GAK: variants seen among roughly 807,000 people sequenced by gnomAD.
The protein encoded by GAK is cyclin-G-associated kinase.
GAK carries 79 observed loss-of-function variants against 143.9 expected under a neutral mutation model. The ratio of observed to expected loss-of-function variants is 0.55; its 90% CI spans 0.46 to 0.66. The LOEUF is 0.66. GAK is among the 30% of genes least tolerant of loss of function. GAK has a pLI of 0.00. For synonymous variants in GAK, 881 were observed against 765.5 expected (o/e 1.15, Z -2.49); for missense variants, 1,693 against 1,779.7 (o/e 0.95, Z 0.88).
At chr4:865,041 G>A in intron 23 of GAK, 81 bp downstream of exon 23, 5 of 1,539,066 alleles carry the variant, frequency 3.2e-6, no homozygotes, top group South Asian at 1.2e-5. Flanking sequence ...AGAGGGCCCT[G>A]TTACAGGTAC....
At chr4:875,894 T>C (rs1317712973) in intron 18 of GAK, among the ~76,000 whole-genome samples, 1 of 152,202 alleles carries the variant, frequency 6.6e-6, no homozygotes, top group African/African-American at 2.4e-5. Context: ...TGAGCCGAGA[T>C]TGCGCCATTG....
chr4:898,645 T>TGA (rs987209226), intron 5 of GAK, among the ~76,000 whole-genome samples: 60 of 152,314 alleles, frequency 3.9e-4, no homozygotes, highest in African/African-American at 1.4e-3. Flanking sequence ...GCGGATCACC[T>TGA]GAGGTCAGGA....
chr4:866,877 A>T (rs1167585611), intron 21 of GAK, 79 bp downstream of exon 21: 1 of 1,104,486 alleles, frequency 9.1e-7, no homozygotes, highest in Non-Finnish European at 1.3e-6. Flanking sequence ...CCTTCGAAAC[A>T]CGCCCATGCA....
At chr4:852,031 GT>G in intron 24 of GAK, 57 bp from the exon 25 acceptor site, 1 of 1,389,522 alleles carries the variant, frequency 7.2e-7, no homozygotes, top group Non-Finnish European at 1.0e-6. Flanking sequence ...GGCAACTACT[GT>G]TTCTATAACG....
At position 890,471 on chromosome 4, in the gene GAK, C is replaced by T. The variant is rs549970395; in HGVS notation, c.1081+61G>A. The T allele has an allele frequency of 3.3e-4, 425 of 1,298,250 alleles. 1 individual carries two copies. Among genetic ancestry groups the T allele is most frequent in the Non-Finnish European group, 4.2e-4 (388 of 930,220 alleles). The allele number at this position is 1,298,250 out of a possible 1,614,324, so 80.4% of individuals were successfully genotyped here. On this transcript the variant is annotated intron_variant, in intron 10 of 27. Coordinates refer to ENST00000314167, the MANE Select transcript of GAK (RefSeq NM_005255.4). ...CCCCAGACTCCATCCCAATGTGCTG[C>T]GGGTGCCCGGGGTGCAGCAGGAGCG...
rs1354336854 is a variant in GAK at position 849,943 on chromosome 4, C to T, written c.3783G>A (p.Glu1261=). The part of the protein sequence containing the change: ...PVGMADLVAP[E]QVKKHYRRAV... ...CGCGGCGATAGTGCTTCTTCACTTG[C>T]TCCGGAGCCACCAGGTCGGCCATGC... The change falls in exon 27 of 28, where the codon GAG becomes GAA. Residue 1261 remains glutamate (E), a synonymous_variant. Coordinates refer to ENST00000314167, the MANE Select transcript of GAK (RefSeq NM_005255.4). 1.9e-6 allele frequency: 3 copies of T among 1,609,532 alleles called. No homozygotes were observed. The highest frequency in any genetic ancestry group is 1.7e-5 in the Admixed American group (1 of 59,450).
intron 11 of GAK, 136 bp downstream of exon 11, chr4:888,711 G>T: frequency 2.0e-6 from 2 of 1,016,744 alleles, no homozygotes; most frequent in Non-Finnish European, 1.4e-6. Context: ...AGAAGCGGGT[G>T]ATGCTGTCCC....
chr4:907,678 CATCCCCGGA>C (rs1227645480), intron 4 of GAK, among the ~76,000 whole-genome samples: 1 of 152,244 alleles, frequency 6.6e-6, no homozygotes, highest in Non-Finnish European at 1.5e-5. Flanking sequence ...GGACCGGGCA[CATCCCCGGA>C]GCCCGACCTC....
chr4:876,109 G>A (rs1713809488), intron 18 of GAK, among the ~76,000 whole-genome samples: 1 of 152,224 alleles, frequency 6.6e-6, no homozygotes, highest in Non-Finnish European at 1.5e-5. Context: ...AGGGGTGGGG[G>A]CCATCCCGTG....
Position 913,530 on chromosome 4 carries a change from ATCCCTGAAAAG to A in GAK, c.207+66_207+76del. ...GAAACAAAGTACGTAACAGGGACGCATCCCTGAAAAGACTGTCACCAGACAGTCCCTTTACA... is the reference window on the plus strand; with the variant it reads ...GAAACAAAGTACGTAACAGGGACGCAACTGTCACCAGACAGTCCCTTTACA... On this transcript the variant is annotated intron_variant, in intron 2 of 27. Coordinates refer to ENST00000314167, the MANE Select transcript of GAK (RefSeq NM_005255.4). The A allele has an allele frequency of 2.8e-6, 3 of 1,088,092 alleles. No homozygotes were observed. The South Asian group carries it at 3.8e-5, about 14-fold the overall frequency. 67.4% of individuals were successfully genotyped at this position (1,088,092 alleles called of 1,614,324 possible).
Position 905,551 on chromosome 4 carries a change from A to G in GAK, c.383-772T>C, listed in dbSNP as rs560588713. 1.7e-4 allele frequency among the ~76,000 whole-genome samples: 24 copies of G among 144,590 alleles called. No individual in the cohort carries two copies. The South Asian group carries it at 5.1e-3, about 31-fold the overall frequency. 94.9% of individuals were successfully genotyped at this position (144,590 alleles called of 152,430 possible). ...CCCATGCCACGCTACGGACTCCGCCACGCCCCAGGCCATGCTACGGACTTC... is the reference window on the plus strand; with the variant it reads ...CCCATGCCACGCTACGGACTCCGCCGCGCCCCAGGCCATGCTACGGACTTC... On this transcript the variant is annotated intron_variant, in intron 4 of 27. Transcript: ENST00000314167.
At chr4:850,840 T>C in intron 26 of GAK, 96 bp downstream of exon 26, 1 of 1,370,230 alleles carries the variant, frequency 7.3e-7, no homozygotes, top group Non-Finnish European at 9.9e-7. Flanking sequence ...GAAAGGTTGC[T>C]GTCTGGAGAC....
chr4:862,459 G>A (rs1205724026), intron 23 of GAK, among the ~76,000 whole-genome samples: 25 of 152,202 alleles, frequency 1.6e-4, no homozygotes, highest in Non-Finnish European at 1.5e-5. Context: ...AGGAGATCGA[G>A]ACCATCCTGG....
intron 1 of GAK, among the ~76,000 whole-genome samples, chr4:930,004 C>G (rs1056382893): frequency 6.6e-6 from 1 of 151,984 alleles, no homozygotes; most frequent in South Asian, 2.1e-4. Flanking sequence ...TGGGAGTATC[C>G]CACGATATAC....
In GAK at chr4:911,036, C is replaced by G. The variant is rs139397127; in HGVS notation, c.382+637G>C. On this transcript the variant is annotated intron_variant, in intron 4 of 27. Coordinates refer to ENST00000314167, the MANE Select transcript of GAK (RefSeq NM_005255.4). The stretch of plus-strand genomic sequence containing the variant: ...CATCCCCCGCAGTCACTCACACAGA[C>G]CACTCTGCCCCTAGAACTCTCCGAA... 2.3e-4 allele frequency among the ~76,000 whole-genome samples: 35 copies of G among 152,138 alleles called. No homozygotes were observed. The East Asian group carries it at 6.8e-3, about 30-fold the overall frequency.
chr4:899,578 T>G (rs1577228157), intron 5 of GAK, among the ~76,000 whole-genome samples: 1 of 145,946 alleles, frequency 6.9e-6, no homozygotes, highest in African/African-American at 2.5e-5. Context: ...CAAGTTCTGA[T>G]AAGCCAGCCT....
intron 1 of GAK, among the ~76,000 whole-genome samples, chr4:923,459 A>G (rs1046102116): frequency 2.0e-5 from 3 of 152,162 alleles, no homozygotes. Context: ...ACTTGAGCCC[A>G]GGAGTTCTGA....
rs138119227 is a variant in GAK, at chr4:892,149, G to A, written c.990+1228C>T. 4.9e-3 allele frequency among the ~76,000 whole-genome samples: 741 copies of A among 152,268 alleles called. 2 individuals are homozygous for A. The highest frequency in any genetic ancestry group is 0.017 in the Middle Eastern group (5 of 294). On this transcript the variant is annotated intron_variant, in intron 9 of 27. Coordinates refer to ENST00000314167, the MANE Select transcript of GAK (RefSeq NM_005255.4). ...GGTCCTGTCCTCAGACAGGGACTCC[G>A]GGCAGCAGCTCTGACCTTCTCCCCA...
At chr4:861,882 ACT>A (rs1170990059) in intron 23 of GAK, among the ~76,000 whole-genome samples, 7 of 152,230 alleles carry the variant, frequency 4.6e-5, no homozygotes, top group African/African-American at 1.7e-4. Context: ...CAAGGTCTCA[ACT>A]CTTTCAATTC....
Sources: gnomAD v4.1 joint callset for allele counts (sites outside exome capture counted in the v4.1 genomes callset) on GRCh38, gnomAD v4.1.1 for gene constraint, MANE v1.5 for transcripts, NCBI Gene and HGNC (gene_info 2026-07-23, HGNC 2026-07-21) for gene names.